The following CDH3 variants were observed in gnomAD, a reference collection of about 807,000 sequenced individuals.
CDH3 encodes the protein cadherin-3.
A neutral mutation model predicts 82.0 loss-of-function variants in CDH3; 54 were observed. The observed-to-expected ratio is 0.66, with a 90% CI of 0.53 to 0.83. The LOEUF is 0.83. Among genes scored for constraint, CDH3 ranks in the 40% least tolerant of loss-of-function variants. CDH3 has a pLI of 0.00. For synonymous variants in CDH3, 446 were observed against 437.9 expected, an observed-to-expected ratio of 1.02 and a Z score of -0.23; for missense variants, 1,054 against 1,084.6, an observed-to-expected ratio of 0.97 and a Z score of 0.40.
At chr16:68,657,238 G>A (rs1031749539) in intron 2 of CDH3, among the ~76,000 whole-genome samples, 1 of 152,172 alleles carries the variant, frequency 6.6e-6, no homozygotes, top group African/African-American at 2.4e-5. Flanking sequence ...AACGGGCTCG[G>A]TGTGATGGCT....
chr16:68,698,020 G>A, intron 15 of CDH3, 171 bp from the exon 16 acceptor site: 2 of 711,158 alleles, frequency 2.8e-6, no homozygotes, highest in Non-Finnish European at 5.0e-6. Flanking sequence ...AGCACTTGCT[G>A]TCTGCTGGTC....
At chr16:68,701,819 T>G (rs1409381316), downstream of CDH3, among the ~76,000 whole-genome samples, 2 of 149,976 alleles carry the variant, frequency 1.3e-5, no homozygotes, top group Non-Finnish European at 3.0e-5. Context: ...AGGTCAGGAG[T>G]TCGAGACCAG....
chr16:68,715,266 AAAT>A (rs1962079925), intron 1 of CDH3, among the ~76,000 whole-genome samples: 1 of 151,650 alleles, frequency 6.6e-6, no homozygotes, highest in African/African-American at 2.4e-5. Context: ...TCTCTACTAA[AAAT>A]ACAAAAAATT....
intron 1 of CDH3, among the ~76,000 whole-genome samples, chr16:68,710,658 A>G (rs1338873041): frequency 6.6e-6 from 1 of 151,168 alleles, no homozygotes; most frequent in Non-Finnish European, 1.5e-5. Context: ...AGCCTGGCCA[A>G]CATGGCAAAA....
At chr16:68,719,462 A>G (rs189283142) in intron 1 of CDH3, among the ~76,000 whole-genome samples, 4 of 150,368 alleles carry the variant, frequency 2.7e-5, no homozygotes, top group Admixed American at 1.3e-4. Context: ...GTGGTCATCT[A>G]CAAGGGCACA....
intron 2 of CDH3, among the ~76,000 whole-genome samples, chr16:68,673,026 T>C (rs1222417606): frequency 1.3e-5 from 2 of 152,248 alleles, no homozygotes; most frequent in African/African-American, 4.8e-5. Context: ...CACTTCATTA[T>C]GTGAATATAC....
chr16:68,646,555 C>A (rs543337448), intron 2 of CDH3, among the ~76,000 whole-genome samples: 1 of 150,962 alleles, frequency 6.6e-6, no homozygotes, highest in African/African-American at 2.4e-5. Context: ...GGCGGTGCAA[C>A]GTTAGTGAGG....
At chr16:68,708,957 T>C (rs889303002) in intron 1 of CDH3, among the ~76,000 whole-genome samples, 2 of 151,966 alleles carry the variant, frequency 1.3e-5, no homozygotes, top group African/African-American at 4.8e-5. Context: ...TTGTATTTTT[T>C]AATTAGGTAC....
At chr16:68,673,942 G>A (rs1213486761) in intron 2 of CDH3, among the ~76,000 whole-genome samples, 1 of 152,070 alleles carries the variant, frequency 6.6e-6, no homozygotes, top group Non-Finnish European at 1.5e-5. Context: ...ATCTCTTGAT[G>A]GACACTTGGG....
chr16:68,645,313 G>C lies in CDH3; in HGVS notation c.-67G>C. 1 of 1,538,974 alleles carries C rather than the reference G, an allele frequency of 6.5e-7. No individual in the cohort carries two copies. The highest frequency in any genetic ancestry group is 8.9e-7 in the Non-Finnish European group (1 of 1,120,118). On this transcript the variant is annotated 5_prime_UTR_variant, in exon 1 of 16. Coordinates refer to ENST00000264012, the MANE Select transcript of CDH3 (RefSeq NM_001793.6). Reference sequence around the variant, plus strand: ...GCTCCCGGGGGCTGCGGTGCTCAAAGGGGCAAGAGCTGAGCGGAACACCGG... The same window carrying C: ...GCTCCCGGGGGCTGCGGTGCTCAAACGGGCAAGAGCTGAGCGGAACACCGG...
intron 7 of CDH3, 59 bp downstream of exon 7, chr16:68,680,033 T>C (rs1411770624): frequency 1.1e-5 from 17 of 1,525,848 alleles, no homozygotes; most frequent in Non-Finnish European, 9.1e-7. Context: ...GGGAACTGAC[T>C]CTGAGAGCAG....
chr16:68,731,089 T>TATATATAATTATAAAATAC (rs1962281576), downstream of CDH3, among the ~76,000 whole-genome samples: 3 of 99,260 alleles, frequency 3.0e-5, no homozygotes, highest in African/African-American at 4.0e-5. Context: ...ATTATAAAAA[T>TATATATAATTATAAAATAC]ATATATAATT....
At chr16:68,688,076 C>A (rs1051091388) in intron 12 of CDH3, among the ~76,000 whole-genome samples, 1 of 151,340 alleles carries the variant, frequency 6.6e-6, no homozygotes, top group East Asian at 2.0e-4. Context: ...TCCTGACTCT[C>A]GCTATGTGAC....
rs1962207609 is a variant in CDH3, at chr16:68,725,326, T to C, written c.*46-1827T>C. 3.3e-5 allele frequency among the ~76,000 whole-genome samples: 5 copies of C among 151,932 alleles called. No individual in the cohort carries two copies. In the South Asian group the frequency reaches 8.3e-4, roughly 25 times the overall value. On this transcript the variant is annotated intron_variant, in intron 2 of 2. Transcript: ENST00000569080. ...TCCCGTCTGCCATGTTTAGTTAGGT[T>C]ATTTCACCCAATTCTTTTTTTTTTT...
At chr16:68,694,380 G>A (rs891221866) in intron 13 of CDH3, among the ~76,000 whole-genome samples, 4 of 151,458 alleles carry the variant, frequency 2.6e-5, no homozygotes, top group South Asian at 2.1e-4. Flanking sequence ...CCAGCACTTC[G>A]GGAGGCCAAG....
chr16:68,715,539 C>A (rs1962084815), intron 1 of CDH3, among the ~76,000 whole-genome samples: 1 of 152,148 alleles, frequency 6.6e-6, no homozygotes, highest in East Asian at 1.9e-4. Context: ...ACCCTGGAGT[C>A]CTGCTCATCT....
chr16:68,723,617 T>C (rs974045239), intron 2 of CDH3, among the ~76,000 whole-genome samples: 15 of 152,206 alleles, frequency 9.9e-5, no homozygotes, highest in Non-Finnish European at 1.9e-4. Flanking sequence ...CACTATGTTC[T>C]GGCCTCCTCC....
chr16:68,672,966 C>T (rs951131629), intron 2 of CDH3, among the ~76,000 whole-genome samples: 7 of 152,184 alleles, frequency 4.6e-5, no homozygotes, highest in Non-Finnish European at 7.3e-5. Flanking sequence ...TACTACTCAA[C>T]CTTATGTTTG....
chr16:68,657,045 C>T (rs1335910623), intron 2 of CDH3, among the ~76,000 whole-genome samples: 2 of 152,180 alleles, frequency 1.3e-5, no homozygotes, highest in Admixed American at 1.3e-4. Context: ...GCTCCTCCTC[C>T]CCCAGCCAAA....
Sources: allele counts gnomAD v4.1 joint callset (sites outside exome capture counted in the v4.1 genomes callset), GRCh38; gene constraint gnomAD v4.1.1; transcripts MANE v1.5; gene names NCBI Gene and HGNC (gene_info 2026-07-23, HGNC 2026-07-21).